TSHZ3: variants seen among roughly 807,000 people sequenced by gnomAD.
TSHZ3 encodes the protein teashirt homolog 3.
A neutral mutation model predicts 64.5 loss-of-function variants in TSHZ3; 10 were observed. The ratio of observed to expected loss-of-function variants is 0.16; its 90% CI spans 0.10 to 0.26. The LOEUF (loss-of-function observed/expected upper bound fraction) is 0.26, where lower values mean the gene tolerates loss of function less well. Among genes scored for constraint, TSHZ3 ranks in the 10% least tolerant of loss-of-function variants. TSHZ3 has a pLI of 1.00. For synonymous variants in TSHZ3, 608 were observed against 593.1 expected (o/e 1.03, Z -0.36); for missense variants, 1,242 against 1,421.7 (o/e 0.87, Z 2.03).
At chr19:31,232,365 C>T (rs757848939) in intron 3 of TSHZ3, among the ~76,000 whole-genome samples, 2 of 152,020 alleles carry the variant, frequency 1.3e-5, no homozygotes, top group African/African-American at 4.8e-5. Context: ...TATAAATGAA[C>T]GAAAAGGGAG....
chr19:31,151,071 G>A (rs1159561579), exon 7 of TSHZ3, among the ~76,000 whole-genome samples: 1 of 152,216 alleles, frequency 6.6e-6, no homozygotes, highest in Non-Finnish European at 1.5e-5. Flanking sequence ...GGTATCCAGT[G>A]CACATACATT....
intron 3 of TSHZ3, among the ~76,000 whole-genome samples, chr19:31,241,050 A>T (rs1459314258): frequency 6.6e-6 from 1 of 152,118 alleles, no homozygotes; most frequent in Non-Finnish European, 1.5e-5. Flanking sequence ...TCACATTTTC[A>T]TGTTTTTATT....
chr19:31,265,873 A>C (rs908366619), intron 1 of TSHZ3, among the ~76,000 whole-genome samples: 2 of 152,226 alleles, frequency 1.3e-5, no homozygotes, highest in African/African-American at 4.8e-5. Flanking sequence ...GTGGAGGGGC[A>C]GGTTCCTGGT....
Position 31,229,847 on chromosome 19 carries a change from T to C in TSHZ3, n.551-1707A>G, listed in dbSNP as rs372484240. Among the ~76,000 whole-genome samples the C allele has an allele frequency of 1.4e-4, 22 of 152,290 alleles. No homozygotes were observed. The South Asian group carries it at 4.3e-3, about 30-fold the overall frequency. Reference sequence around the variant, plus strand: ...TGCAAGCTGTCAAAGATGTGCAAACTGAAACAATAGTGAAACACGATTTTT... The same window carrying C: ...TGCAAGCTGTCAAAGATGTGCAAACCGAAACAATAGTGAAACACGATTTTT... On this transcript the variant is annotated intron_variant and non_coding_transcript_variant, in intron 3 of 6. Transcript: ENST00000651361.
At chr19:31,308,388 A>G (rs967256189) in intron 1 of TSHZ3, 2 of 355,724 alleles carry the variant, frequency 5.6e-6, no homozygotes, top group African/African-American at 4.2e-5. Flanking sequence ...ATCAAGTCAT[A>G]ATAAGGGAAA....
intron 5 of TSHZ3, among the ~76,000 whole-genome samples, chr19:31,179,029 A>ATGAT (rs1555723691): frequency 3.0e-4 from 45 of 151,136 alleles, no homozygotes; most frequent in Non-Finnish European, 5.8e-4. Context: ...GATGATGATG[A>ATGAT]TGATGATGAT....
chr19:31,185,440 T>C (rs1000556025), intron 5 of TSHZ3, among the ~76,000 whole-genome samples: 1 of 152,150 alleles, frequency 6.6e-6, no homozygotes, highest in Admixed American at 6.5e-5. Context: ...AAGATCAGAA[T>C]AGGGGTGTGC....
intron 5 of TSHZ3, among the ~76,000 whole-genome samples, chr19:31,184,493 G>A (rs1368503652): frequency 6.6e-6 from 1 of 152,136 alleles, no homozygotes; most frequent in Non-Finnish European, 1.5e-5. Flanking sequence ...CAATCAGGGT[G>A]ATTACAGCCT....
intron 1 of TSHZ3, among the ~76,000 whole-genome samples, chr19:31,322,053 T>C (rs542317468): frequency 2.0e-5 from 3 of 152,298 alleles, no homozygotes; most frequent in Admixed American, 1.3e-4. Context: ...ATTGTTCAAC[T>C]CCCACTTATG....
At chr19:31,249,931 A>G (rs1253331407) in intron 1 of TSHZ3, among the ~76,000 whole-genome samples, 3 of 152,182 alleles carry the variant, frequency 2.0e-5, no homozygotes, top group Admixed American at 2.0e-4. Flanking sequence ...TATCATCCAC[A>G]TTTGCTTCCT....
At position 31,256,186 on chromosome 19, in the gene TSHZ3, G is replaced by C. The variant is rs181499343; in HGVS notation, n.64-13311C>G. On this transcript the variant is annotated intron_variant and non_coding_transcript_variant, in intron 1 of 6. Transcript: ENST00000651361. ...ATAGGACTGCTGCAGGATGGAGAGA[G>C]ACAGGGAACACAGAGGAATCCACTC... Among the ~76,000 whole-genome samples the C allele has an allele frequency of 2.0e-3, 306 of 152,240 alleles. 6 individuals are homozygous for C. Among genetic ancestry groups the C allele is most frequent in the Admixed American group, 0.019 (287 of 15,292 alleles).
chr19:31,186,765 T>G (rs1292866903), intron 5 of TSHZ3, among the ~76,000 whole-genome samples: 1 of 152,206 alleles, frequency 6.6e-6, no homozygotes, highest in Non-Finnish European at 1.5e-5. Context: ...TTTCAGTGAT[T>G]CTGTATAGCT....
At chr19:31,241,649 G>A (rs555811377) in intron 3 of TSHZ3, among the ~76,000 whole-genome samples, 1 of 152,136 alleles carries the variant, frequency 6.6e-6, no homozygotes, top group African/African-American at 2.4e-5. Context: ...CATTTGAAGT[G>A]ACTCAAACTC....
intron 4 of TSHZ3, among the ~76,000 whole-genome samples, chr19:31,213,841 G>C (rs1975292461): frequency 6.6e-6 from 1 of 152,060 alleles, no homozygotes; most frequent in African/African-American, 2.4e-5. Context: ...TTTAGAATAA[G>C]TCTACACTCT....
At chr19:31,165,105 G>A (rs2145107748) in intron 5 of TSHZ3, among the ~76,000 whole-genome samples, 1 of 152,342 alleles carries the variant, frequency 6.6e-6, no homozygotes, top group South Asian at 2.1e-4. Flanking sequence ...CCCAGCCCCG[G>A]AATCTCCGCT....
At chr19:31,184,347 CTG>C (rs1974771440) in intron 5 of TSHZ3, among the ~76,000 whole-genome samples, 1 of 152,172 alleles carries the variant, frequency 6.6e-6, no homozygotes, top group Non-Finnish European at 1.5e-5. Context: ...GTATTTTCTT[CTG>C]TGTTGAAACA....
rs982653776 is a variant in TSHZ3 at position 31,171,656 on chromosome 19, C to A, written n.810-15239G>T. ...CCTCAGTTCTATGGGACAATTAGGC[C>A]TGTTTCAAAAGAAAAGATATAATGG... On this transcript the variant is annotated intron_variant and non_coding_transcript_variant, in intron 5 of 6. Transcript: ENST00000651361. 8.6e-5 allele frequency among the ~76,000 whole-genome samples: 13 copies of A among 151,798 alleles called. No homozygotes were observed. In the South Asian group the frequency reaches 2.1e-3, roughly 24 times the overall value.
intron 1 of TSHZ3, chr19:31,308,553 G>A (rs568044388): frequency 1.5e-5 from 6 of 396,790 alleles, no homozygotes; most frequent in East Asian, 7.1e-5. Flanking sequence ...ACTGGCTCTC[G>A]ATCCTTTTTG....
chr19:31,179,539 C>T (rs1289169672), intron 5 of TSHZ3, among the ~76,000 whole-genome samples: 1 of 152,174 alleles, frequency 6.6e-6, no homozygotes, highest in East Asian at 1.9e-4. Context: ...AACAGAGAAT[C>T]TATCCCCGTG....
Sources: allele counts gnomAD v4.1 joint callset (sites outside exome capture counted in the v4.1 genomes callset), GRCh38; gene constraint gnomAD v4.1.1; transcripts MANE v1.5; gene names NCBI Gene and HGNC (gene_info 2026-07-23, HGNC 2026-07-21).